The following TPRG1 variants were observed in gnomAD, a reference collection of about 807,000 sequenced individuals.
TPRG1 encodes the protein tumor protein p63-regulated gene 1 protein.
In TPRG1, 29 loss-of-function variants were observed where a neutral mutation model predicts 29.3. The observed-to-expected ratio is 0.99, with a 90% confidence interval of 0.74 to 1.35. The LOEUF (loss-of-function observed/expected upper bound fraction) is 1.35, where lower values mean the gene tolerates loss of function less well. Among genes scored for constraint, TPRG1 ranks in the 40% most tolerant of loss-of-function variants. TPRG1 has a pLI of 0.00. For synonymous variants in TPRG1, 130 were observed against 116.8 expected, an observed-to-expected ratio of 1.11 and a Z score of -0.73; for missense variants, 327 against 335.0, an observed-to-expected ratio of 0.98 and a Z score of 0.19.
At chr3:189,134,059 A>G (rs1315348273) in intron 3 of TPRG1, among the ~76,000 whole-genome samples, 6 of 151,872 alleles carry the variant, frequency 4.0e-5, no homozygotes. Flanking sequence ...TAGCTATTCA[A>G]CCCATAGTTT....
chr3:189,159,498 C>G (rs1257585768), intron 5 of TPRG1, among the ~76,000 whole-genome samples: 2 of 152,112 alleles, frequency 1.3e-5, no homozygotes, highest in African/African-American at 4.8e-5. Context: ...AGGACAGAGT[C>G]CTATCCCCTG....
intron 4 of TPRG1, among the ~76,000 whole-genome samples, chr3:189,081,719 T>C (rs2152169682): frequency 6.6e-6 from 1 of 152,324 alleles, no homozygotes; most frequent in African/African-American, 2.4e-5. Flanking sequence ...ACCAAACATA[T>C]GCACATACAC....
intron 4 of TPRG1, among the ~76,000 whole-genome samples, chr3:189,281,061 A>G (rs984966427): frequency 1.3e-5 from 2 of 152,218 alleles, no homozygotes; most frequent in Admixed American, 1.3e-4. Context: ...CTGACATGTT[A>G]TAGGACTTGC....
At chr3:189,104,623 C>T (rs1367690204) in intron 1 of TPRG1, among the ~76,000 whole-genome samples, 4 of 151,684 alleles carry the variant, frequency 2.6e-5, no homozygotes, top group African/African-American at 7.3e-5. Flanking sequence ...GTTCAGAAGA[C>T]GAACAGAAAC....
intron 3 of TPRG1, among the ~76,000 whole-genome samples, chr3:189,019,723 G>C (rs1713183689): frequency 6.6e-6 from 1 of 151,588 alleles, no homozygotes; most frequent in Non-Finnish European, 1.5e-5. Context: ...CCCAGCTTTG[G>C]TATCAGAATG....
chr3:189,003,344 C>G (rs1227615606), intron 2 of TPRG1, among the ~76,000 whole-genome samples: 1 of 152,118 alleles, frequency 6.6e-6, no homozygotes, highest in African/African-American at 2.4e-5. Flanking sequence ...AACCAATAAG[C>G]CCCATGGCTC....
chr3:189,004,391 A>G (rs976193856), intron 2 of TPRG1, among the ~76,000 whole-genome samples: 4 of 152,188 alleles, frequency 2.6e-5, no homozygotes, highest in African/African-American at 9.7e-5. Flanking sequence ...AAATGACAAG[A>G]AATATAAATG....
chr3:189,252,257 A>G (rs924443606), intron 4 of TPRG1, among the ~76,000 whole-genome samples: 4 of 152,216 alleles, frequency 2.6e-5, no homozygotes, highest in African/African-American at 7.2e-5. Flanking sequence ...TTGTCTTAGT[A>G]CAGAGCAAAA....
At chr3:189,312,425 A>C (rs1329588242) in intron 5 of TPRG1, among the ~76,000 whole-genome samples, 2 of 149,560 alleles carry the variant, frequency 1.3e-5, no homozygotes, top group Non-Finnish European at 3.0e-5. Context: ...TTTAAAGGAC[A>C]TCTGGTTCCG....
At chr3:189,288,217 T>G (rs1337234022) in intron 4 of TPRG1, among the ~76,000 whole-genome samples, 3 of 151,830 alleles carry the variant, frequency 2.0e-5, no homozygotes, top group African/African-American at 7.3e-5. Context: ...TTGCTTCACT[T>G]TTTAAAAAAT....
At chr3:189,312,503 T>C (rs1056581612) in intron 5 of TPRG1, among the ~76,000 whole-genome samples, 7 of 152,188 alleles carry the variant, frequency 4.6e-5, no homozygotes, top group Non-Finnish European at 7.4e-5. Context: ...AAATAAATAC[T>C]AACTGCCTTA....
At chr3:189,089,907 T>C (rs966707127) in intron 4 of TPRG1, among the ~76,000 whole-genome samples, 1 of 152,134 alleles carries the variant, frequency 6.6e-6, no homozygotes, top group East Asian at 1.9e-4. Context: ...TTCTTTTTTT[T>C]ATGAGATTTT....
chr3:189,081,202 A>G (rs917756550), intron 4 of TPRG1, among the ~76,000 whole-genome samples: 3 of 152,186 alleles, frequency 2.0e-5, no homozygotes, highest in African/African-American at 7.2e-5. Context: ...TTGAAAAGAT[A>G]GATGTGGTGA....
chr3:189,060,418 A>G (rs1211249651), intron 4 of TPRG1, among the ~76,000 whole-genome samples: 1 of 152,180 alleles, frequency 6.6e-6, no homozygotes, highest in Admixed American at 6.5e-5. Context: ...CTCCTTTTCA[A>G]CATAGTATTG....
intron 5 of TPRG1, among the ~76,000 whole-genome samples, chr3:189,318,912 T>G (rs1723958565): frequency 6.6e-6 from 1 of 152,200 alleles, no homozygotes; most frequent in South Asian, 2.1e-4. Context: ...AATTAGAATT[T>G]TATAATTCCT....
chr3:189,316,475 G>A (rs2109347666), intron 5 of TPRG1, among the ~76,000 whole-genome samples: 1 of 152,190 alleles, frequency 6.6e-6, no homozygotes, highest in South Asian at 2.1e-4. Context: ...GAGGAATGTG[G>A]GCCTACAGGC....
intron 5 of TPRG1, chr3:189,151,160 A>G (rs1387039803): frequency 6.6e-6 from 1 of 152,330 alleles, no homozygotes; most frequent in Non-Finnish European, 1.5e-5. Context: ...ATGTTTGTGG[A>G]AAGACCTGTG....
chr3:189,233,206 A>G (rs1447439699), intron 3 of TPRG1, among the ~76,000 whole-genome samples: 10 of 151,174 alleles, frequency 6.6e-5, no homozygotes, highest in African/African-American at 2.2e-4. Flanking sequence ...GTTTGTGTGC[A>G]AGAGAGGGAG....
chr3:189,189,223 T>C (rs1337097992), intron 1 of TPRG1, among the ~76,000 whole-genome samples: 1 of 152,162 alleles, frequency 6.6e-6, no homozygotes, highest in African/African-American at 2.4e-5. Flanking sequence ...TGTTTTTTTA[T>C]ACATATCTAT....
Sources: gnomAD v4.1 joint callset for allele counts (sites outside exome capture counted in the v4.1 genomes callset) on GRCh38, gnomAD v4.1.1 for gene constraint, MANE v1.5 for transcripts, NCBI Gene and HGNC (gene_info 2026-07-23, HGNC 2026-07-21) for gene names.